ZNF407: variants seen among roughly 807,000 people sequenced by gnomAD.
ZNF407 encodes the protein zinc finger protein 407.
A neutral mutation model predicts 131.2 loss-of-function variants in ZNF407; 17 were observed. The ratio of observed to expected loss-of-function variants is 0.13; its 90% confidence interval spans 0.09 to 0.19. The LOEUF (loss-of-function observed/expected upper bound fraction) is 0.19. Among genes scored for constraint, ZNF407 ranks in the 10% least tolerant of loss-of-function variants. The probability of loss-of-function intolerance (pLI) is 1.00; values close to 1 mark genes in which losing one functional copy is unlikely to be tolerated. For synonymous variants in ZNF407, 1,156 were observed against 1,062.0 expected, an observed-to-expected ratio of 1.09 and a Z score of -1.72; for missense variants, 2,681 against 2,830.6, an observed-to-expected ratio of 0.95 and a Z score of 1.20.
intron 3 of ZNF407, among the ~76,000 whole-genome samples, chr18:74,741,646 C>T (rs921746852): frequency 2.6e-5 from 4 of 152,074 alleles, no homozygotes; most frequent in African/African-American, 9.7e-5. Flanking sequence ...ATCTGATTCT[C>T]TTTCAGTATA....
chr18:74,663,738 G>T (rs1568153347), intron 3 of ZNF407, among the ~76,000 whole-genome samples: 1 of 152,196 alleles, frequency 6.6e-6, no homozygotes, highest in East Asian at 1.9e-4. Flanking sequence ...GTGACAAGAT[G>T]CTGGAAGAAC....
Position 74,635,803 on chromosome 18 carries a change from C to G in ZNF407, c.4687+97C>G. 6.8e-7 allele frequency: 1 copy of G among 1,474,850 alleles called. No individual in the cohort carries two copies. The highest frequency in any genetic ancestry group is 2.3e-5 in the East Asian group (1 of 43,688). The allele number at this position is 1,474,850 out of a possible 1,614,324, so 91.4% of individuals were successfully genotyped here. A position where few individuals can be genotyped will look rare whatever the true frequency, so the allele number is the denominator to read the frequency against. On this transcript the variant is annotated intron_variant, in intron 2 of 8. Transcript: ENST00000299687. This position sits in a 1 kb window ranked among gnomAD's most constrained non-coding sequence, Gnocchi z 4.7. Reference sequence around the variant, plus strand: ...TACCTGTGGCTGCTCATTGGCTTTCCACCCGGTTCACATTTCACTGCCGTG... The same window carrying G: ...TACCTGTGGCTGCTCATTGGCTTTCGACCCGGTTCACATTTCACTGCCGTG...
chr18:74,891,808 T>A (rs1213286771), intron 7 of ZNF407, among the ~76,000 whole-genome samples: 3 of 152,190 alleles, frequency 2.0e-5, no homozygotes, highest in Non-Finnish European at 4.4e-5. Flanking sequence ...TTCCTTTAAT[T>A]TTCACCCTTA....
chr18:74,997,798 C>A (rs1224881392), intron 8 of ZNF407, among the ~76,000 whole-genome samples: 1 of 152,134 alleles, frequency 6.6e-6, no homozygotes, highest in African/African-American at 2.4e-5. Flanking sequence ...CTTTTTTTTA[C>A]TTCTACCTCT....
At chr18:74,699,911 CAT>C (rs1967451757) in intron 3 of ZNF407, among the ~76,000 whole-genome samples, 1 of 152,042 alleles carries the variant, frequency 6.6e-6, no homozygotes. Context: ...ATTATATGCA[CAT>C]GTTTCTCTTA....
At chr18:74,926,263 C>CTAAGTT (rs1971912043) in intron 8 of ZNF407, among the ~76,000 whole-genome samples, 1 of 152,108 alleles carries the variant, frequency 6.6e-6, no homozygotes, top group South Asian at 2.1e-4. Flanking sequence ...GTTGGAATTC[C>CTAAGTT]TAAGTTTAGA....
intron 8 of ZNF407, among the ~76,000 whole-genome samples, chr18:75,019,068 C>G (rs1168055579): frequency 5.3e-5 from 8 of 152,004 alleles, no homozygotes; most frequent in Non-Finnish European, 1.2e-4. Flanking sequence ...AATTAATCAT[C>G]AGGTTAAATT....
rs868556418 is a variant in ZNF407 at position 75,037,796 on chromosome 18, C to T, written c.5429-25354C>T. On this transcript the variant is annotated intron_variant, in intron 8 of 8. Coordinates refer to ENST00000299687, the MANE Select transcript of ZNF407 (RefSeq NM_017757.3). ...TTCTGTACAGAAACTCGGCAGGCCC[C>T]TTGCATGACAGTTTGGCTCAAGTGT... Among the ~76,000 whole-genome samples the T allele has an allele frequency of 3.3e-5, 5 of 152,242 alleles. No homozygotes were observed. The South Asian group carries it at 1.0e-3, about 32-fold the overall frequency.
chr18:74,729,010 GACAGGAGCATA>G (rs1350046147), intron 3 of ZNF407, among the ~76,000 whole-genome samples: 1 of 152,188 alleles, frequency 6.6e-6, no homozygotes, highest in Admixed American at 6.5e-5. Flanking sequence ...ATGCTTAGAA[GACAGGAGCATA>G]ACCAGTGTTT....
intron 8 of ZNF407, among the ~76,000 whole-genome samples, chr18:75,054,247 A>T (rs535414226): frequency 6.6e-6 from 1 of 152,378 alleles, no homozygotes; most frequent in South Asian, 2.1e-4. Flanking sequence ...TTAAAATACT[A>T]ACAGTTAGTG....
chr18:74,850,194 A>G (rs1164584959), intron 4 of ZNF407, among the ~76,000 whole-genome samples: 2 of 152,220 alleles, frequency 1.3e-5, no homozygotes, highest in Admixed American at 6.5e-5. Context: ...GTACAAGTCT[A>G]TCTTGTTTTA....
At chr18:74,767,707 G>A (rs1260995064) in intron 3 of ZNF407, among the ~76,000 whole-genome samples, 1 of 139,664 alleles carries the variant, frequency 7.2e-6, no homozygotes, top group African/African-American at 2.8e-5. Context: ...AGGCTGGAAT[G>A]CAGTGGTGCG....
intron 4 of ZNF407, among the ~76,000 whole-genome samples, chr18:74,843,793 G>A (rs138634173): frequency 1.2e-3 from 190 of 152,176 alleles, no homozygotes; most frequent in African/African-American, 4.4e-3. Context: ...CATAACAGCA[G>A]CCCCTTGAAG....
chr18:74,881,504 A>C (rs1320277273), intron 6 of ZNF407, among the ~76,000 whole-genome samples: 1 of 150,630 alleles, frequency 6.6e-6, no homozygotes, highest in African/African-American at 2.4e-5. Context: ...CTCTCTACCC[A>C]CCTCGTAGCT....
chr18:74,860,501 A>ATTATTG, intron 4 of ZNF407, among the ~76,000 whole-genome samples: 1 of 149,870 alleles, frequency 6.7e-6, no homozygotes. Flanking sequence ...TATTATTATT[A>ATTATTG]TTATTATTAT....
intron 8 of ZNF407, among the ~76,000 whole-genome samples, chr18:74,926,051 T>C (rs1402692048): frequency 2.6e-5 from 4 of 152,234 alleles, no homozygotes; most frequent in African/African-American, 9.6e-5. Flanking sequence ...AGCAATTTGA[T>C]TCTTTAACCT....
chr18:75,018,075 T>C (rs1246302900), intron 8 of ZNF407, among the ~76,000 whole-genome samples: 1 of 152,184 alleles, frequency 6.6e-6, no homozygotes, highest in Non-Finnish European at 1.5e-5. Flanking sequence ...ATAATTGATA[T>C]TTGCACAATA....
At chr18:75,036,202 A>G (rs1973306329) in intron 8 of ZNF407, among the ~76,000 whole-genome samples, 1 of 152,256 alleles carries the variant, frequency 6.6e-6, no homozygotes. Flanking sequence ...AAGTTTTAGC[A>G]AGAGCTTTTC....
chr18:74,691,244 A>G (rs1967215054), intron 3 of ZNF407, among the ~76,000 whole-genome samples: 1 of 152,028 alleles, frequency 6.6e-6, no homozygotes, highest in Non-Finnish European at 1.5e-5. Context: ...GTGCCATTGC[A>G]CTCCAGCCTG....
Sources: gnomAD v4.1 joint callset for allele counts (sites outside exome capture counted in the v4.1 genomes callset) on GRCh38, gnomAD v4.1.1 for gene constraint, Gnocchi (gnomAD v3.1) non-coding constraint, MANE v1.5 for transcripts, NCBI Gene and HGNC (gene_info 2026-07-23, HGNC 2026-07-21) for gene names.